The following UVSSA variants were observed in gnomAD, a reference collection of about 807,000 sequenced individuals.
UVSSA encodes UV stimulated scaffold protein A.
UVSSA carries 72 observed loss-of-function variants against 73.9 expected under a neutral mutation model. The observed-to-expected ratio is 0.97, with a 90% CI of 0.81 to 1.19. The LOEUF is 1.19. Among genes scored for constraint, UVSSA ranks in the 50% most tolerant of loss-of-function variants. The pLI is 0.00. For missense variants in UVSSA, 1,150 were observed against 965.0 expected (o/e 1.19, Z -2.54); for synonymous variants, 454 against 391.3 (o/e 1.16, Z -1.89).
At chr4:1,354,259 G>A (rs1013090420) in intron 5 of UVSSA, among the ~76,000 whole-genome samples, 10 of 152,130 alleles carry the variant, frequency 6.6e-5, no homozygotes, top group Admixed American at 5.2e-4. Flanking sequence ...GCCCTGCGCC[G>A]GACACTGAGG....
chr4:1,352,402 G>A (rs17164680), intron 4 of UVSSA, among the ~76,000 whole-genome samples: 5,718 of 152,320 alleles, frequency 0.038, 223 homozygotes, highest in East Asian at 0.2. Flanking sequence ...TGGAAACGCA[G>A]GCCTCAGGGC....
In UVSSA at chr4:1,347,634, G is replaced by A. The variant is rs1049089364; in HGVS notation, c.-129G>A. The A allele has an allele frequency of 6.4e-6, 1 of 156,932 alleles. No homozygotes were observed. Among genetic ancestry groups the A allele is most frequent in the Non-Finnish European group, 1.4e-5 (1 of 70,714 alleles). The allele number at this position is 156,932 out of a possible 1,614,324, so 9.7% of individuals were successfully genotyped here. A position where few individuals can be genotyped will look rare whatever the true frequency, so the allele number is the denominator to read the frequency against. ...GGCACGCCGCGGTGCTCGGCCCTGG[G>A]TATCCGGGCAGGCTGCCTCCGTTAG... On this transcript the variant is annotated 5_prime_UTR_variant, in exon 1 of 14. Coordinates refer to ENST00000389851, the MANE Select transcript of UVSSA (RefSeq NM_020894.4).
At chr4:1,343,086 G>A (rs76071956), upstream of UVSSA, among the ~76,000 whole-genome samples, 256 of 152,186 alleles carry the variant, frequency 1.7e-3, 1 homozygote, top group Non-Finnish European at 3.2e-3. Context: ...ATTTGGGGAC[G>A]GTATTAGTTT....
Position 1,368,318 on chromosome 4 carries a change from G to A in UVSSA, c.1288+1887G>A, listed in dbSNP as rs528316690. Among the ~76,000 whole-genome samples the A allele has an allele frequency of 1.8e-4, 27 of 152,368 alleles. No individual in the cohort carries two copies. In the East Asian group the frequency reaches 3.5e-3, roughly 20 times the overall value. On this transcript the variant is annotated intron_variant, in intron 8 of 13. Coordinates refer to ENST00000389851, the MANE Select transcript of UVSSA (RefSeq NM_020894.4). Reference sequence around the variant, plus strand: ...CATCTTAGACGGGGTGACGTGTGGCGTCTCAAAAGCAGAAATCCACACTTT... The same window carrying A: ...CATCTTAGACGGGGTGACGTGTGGCATCTCAAAAGCAGAAATCCACACTTT...
chr4:1,360,153 G>A (rs1350010706), intron 7 of UVSSA, among the ~76,000 whole-genome samples: 5 of 152,222 alleles, frequency 3.3e-5, no homozygotes, highest in Non-Finnish European at 5.9e-5. Context: ...CGCTGTGTGC[G>A]CCACCGCATC....
At position 1,386,216 on chromosome 4, in the gene UVSSA, TC is replaced by T; in HGVS notation, c.*257del. 2.1e-6 allele frequency: 1 copy of T among 467,312 alleles called. No homozygotes were observed. The highest frequency in any genetic ancestry group is 3.9e-6 in the Non-Finnish European group (1 of 254,314). The allele number at this position is 467,312 out of a possible 1,614,324, so 28.9% of individuals were successfully genotyped here. A position where few individuals can be genotyped will look rare whatever the true frequency, so the allele number is the denominator to read the frequency against. On this transcript the variant is annotated 3_prime_UTR_variant, in exon 14 of 14. Transcript: ENST00000389851. ...ATGTGAACACAGGCAGCGACCCTGT[TC>T]CAGAGGGCTTCTGCGAGTCCTCGTG...
In UVSSA at chr4:1,375,441, G is replaced by A. The variant is rs777898112; in HGVS notation, c.1366G>A (p.Asp456Asn). ...TRTRMDEEVS[D>N]PTSAAAQLRQ... is the part of the protein sequence containing the mutation. ...GACGAGGATGGACGAGGAGGTGTCG[G>A]ACCCCACCTCTGCGGCTGCTCAGCT... Residue 456 changes from aspartate to asparagine, a missense_variant, in exon 9 of 14, where the codon GAC (aspartate) becomes AAC (asparagine). By Grantham distance (23) the Asp-to-Asn change is conservative (BLOSUM62 1). Coordinates refer to ENST00000389851, the MANE Select transcript of UVSSA (RefSeq NM_020894.4). 1 of 1,613,364 alleles carries A rather than the reference G, an allele frequency of 6.2e-7. No homozygotes were observed. The highest frequency in any genetic ancestry group is 1.7e-5 in the Admixed American group (1 of 60,032).
At chr4:1,364,320 C>T (rs1258664815) in intron 7 of UVSSA, among the ~76,000 whole-genome samples, 2 of 141,042 alleles carry the variant, frequency 1.4e-5, no homozygotes, top group Non-Finnish European at 3.1e-5. Context: ...GGCCTGGCTC[C>T]GTGGGGGCCA....
At chr4:1,380,601 A>C (rs1560483617) in intron 11 of UVSSA, 2 of 1,476,622 alleles carry the variant, frequency 1.4e-6, no homozygotes, top group South Asian at 2.5e-5. Context: ...GGCATGGTGC[A>C]GGGGGGTCGC....
intron 8 of UVSSA, among the ~76,000 whole-genome samples, chr4:1,369,908 G>A (rs1318077103): frequency 2.0e-5 from 3 of 152,388 alleles, no homozygotes; most frequent in South Asian, 4.1e-4. Flanking sequence ...CGGGCGCCGC[G>A]TTCGGCTGTG....
intron 10 of UVSSA, among the ~76,000 whole-genome samples, 192 bp downstream of exon 10, chr4:1,376,360 G>A (rs1718769759): frequency 6.6e-6 from 1 of 152,218 alleles, no homozygotes; most frequent in South Asian, 2.1e-4. Flanking sequence ...GTGGAGCCCA[G>A]AAAGGCTTTT....
At chr4:1,374,592 G>A (rs1194699263) in intron 8 of UVSSA, among the ~76,000 whole-genome samples, 15 of 152,342 alleles carry the variant, frequency 9.8e-5, no homozygotes, top group Admixed American at 9.1e-4. Context: ...GAGACGCAGC[G>A]CCATGGCCTT....
chr4:1,362,033 G>A (rs928614320), intron 7 of UVSSA, among the ~76,000 whole-genome samples: 3 of 152,126 alleles, frequency 2.0e-5, no homozygotes, highest in Non-Finnish European at 4.4e-5. Flanking sequence ...CCCTTCACAC[G>A]GCCTCTCCTC....
chr4:1,378,742 G>A (rs1376974243), intron 10 of UVSSA, among the ~76,000 whole-genome samples: 2 of 152,220 alleles, frequency 1.3e-5, no homozygotes, highest in East Asian at 1.9e-4. Flanking sequence ...CTCCCACGGG[G>A]CCTTGGGTGC....
intron 7 of UVSSA, among the ~76,000 whole-genome samples, chr4:1,358,852 A>G (rs1184444112): frequency 6.6e-6 from 1 of 152,228 alleles, no homozygotes; most frequent in East Asian, 1.9e-4. Context: ...GGGCACGCTA[A>G]TTCAGTCATG....
At chr4:1,375,603 C>T in intron 9 of UVSSA, 95 bp downstream of exon 9, 1 of 1,511,624 alleles carries the variant, frequency 6.6e-7, no homozygotes, top group South Asian at 1.3e-5. Context: ...TGCTTAGTGC[C>T]TTTTCTGGAT....
At position 1,387,916 on chromosome 4, in the gene UVSSA, A is replaced by G. The variant is rs1477220443; in HGVS notation, c.*1955A>G. The G allele has an allele frequency of 6.6e-6, 1 of 151,916 alleles. No homozygotes were observed. The highest frequency in any genetic ancestry group is 2.4e-5 in the African/African-American group (1 of 41,350). The allele number at this position is 151,916 out of a possible 1,614,324, so 9.4% of individuals were successfully genotyped here. A position where few individuals can be genotyped will look rare whatever the true frequency, so the allele number is the denominator to read the frequency against. On this transcript the variant is annotated 3_prime_UTR_variant, in exon 14 of 14. Coordinates refer to ENST00000389851, the MANE Select transcript of UVSSA (RefSeq NM_020894.4). ...TCTGCATCTCTTGCATTTCCAAATG[A>G]ATTTTAGGATCCACTCATCAGTTTC...
In UVSSA at chr4:1,395,411, G is replaced by A. The variant is rs139623446; in HGVS notation, c.*9450G>A. The A allele has an allele frequency of 1.6e-4, 247 of 1,562,692 alleles. 5 individuals carry two copies. The African/African-American group carries it at 2.4e-3, about 15-fold the overall frequency. On this transcript the variant is annotated 3_prime_UTR_variant, in exon 14 of 14. Transcript: ENST00000511216. ...TCACACGTGCCCATGTGGAGTGCCC[G>A]CCTGCTCACACGTGCCGACGTGGAG...
At chr4:1,354,503 C>T in intron 5 of UVSSA, 1 of 550,010 alleles carries the variant, frequency 1.8e-6, no homozygotes, top group South Asian at 2.0e-5. Context: ...GAGACACAGG[C>T]AGTGGAGCTG....
Sources: gnomAD v4.1 joint callset for allele counts (sites outside exome capture counted in the v4.1 genomes callset) on GRCh38, gnomAD v4.1.1 for gene constraint, MANE v1.5 for transcripts, NCBI Gene and HGNC (gene_info 2026-07-23, HGNC 2026-07-21) for gene names.